RNLS: variants seen among roughly 807,000 people sequenced by gnomAD.
RNLS encodes the protein renalase.
In RNLS, 39 loss-of-function variants were observed where a neutral mutation model predicts 39.8. The ratio of observed to expected loss-of-function variants is 0.98; its 90% CI spans 0.76 to 1.28. The LOEUF (loss-of-function observed/expected upper bound fraction) is 1.28. Ranked by LOEUF, RNLS falls within the 50% of genes most tolerant of loss-of-function variation. The probability of loss-of-function intolerance (pLI) is 0.00; values close to 1 mark genes in which losing one functional copy is unlikely to be tolerated. For synonymous variants in RNLS, 147 were observed against 150.7 expected (o/e 0.98, Z 0.18); for missense variants, 410 against 413.3 (o/e 0.99, Z 0.07).
intron 5 of RNLS, among the ~76,000 whole-genome samples, chr10:88,343,110 A>G (rs1252210470): frequency 1.3e-5 from 2 of 152,106 alleles, no homozygotes; most frequent in Non-Finnish European, 2.9e-5. Flanking sequence ...TCTCATGTGC[A>G]AAGGGAAGGC....
intron 5 of RNLS, among the ~76,000 whole-genome samples, chr10:88,349,632 T>C (rs1460209802): frequency 1.3e-5 from 2 of 152,104 alleles, no homozygotes; most frequent in Admixed American, 1.3e-4. Flanking sequence ...GTGAGAAATA[T>C]ATGAAATCAC....
intron 4 of RNLS, among the ~76,000 whole-genome samples, chr10:88,472,317 A>C (rs1843587417): frequency 6.6e-6 from 1 of 152,220 alleles, no homozygotes; most frequent in Non-Finnish European, 1.5e-5. Flanking sequence ...GAGTCAAATC[A>C]TGAAGAGTCT....
chr10:88,581,234 T>A (rs1315489365), intron 3 of RNLS, among the ~76,000 whole-genome samples: 1 of 150,528 alleles, frequency 6.6e-6, no homozygotes, highest in Non-Finnish European at 1.5e-5. Context: ...GCAAAATTAT[T>A]CCCTTTTATA....
chr10:88,214,769 G>C, the RNLS span, among the ~76,000 whole-genome samples: 1 of 152,076 alleles, frequency 6.6e-6, no homozygotes, highest in Non-Finnish European at 1.5e-5. Context: ...TATTTGTAGA[G>C]GCTGAACAAA....
intron 4 of RNLS, among the ~76,000 whole-genome samples, chr10:88,471,541 G>A (rs770861549): frequency 3.9e-5 from 6 of 152,244 alleles, no homozygotes; most frequent in East Asian, 1.9e-4. Flanking sequence ...ACTGTAAGGC[G>A]AAAAGAGAGG....
At chr10:88,195,555 T>C in the RNLS span, among the ~76,000 whole-genome samples, 3 of 152,174 alleles carry the variant, frequency 2.0e-5, no homozygotes, top group Non-Finnish European at 4.4e-5. Flanking sequence ...AGAAGACATC[T>C]GGATGCTGAC....
intron 4 of RNLS, among the ~76,000 whole-genome samples, chr10:88,534,907 G>T (rs759068552): frequency 4.6e-5 from 7 of 152,104 alleles, no homozygotes; most frequent in Non-Finnish European, 1.0e-4. Context: ...TCATTTAGTA[G>T]CAGTGTGACT....
At chr10:88,220,063 G>T in the RNLS span, among the ~76,000 whole-genome samples, 1 of 152,136 alleles carries the variant, frequency 6.6e-6, no homozygotes, top group Admixed American at 6.6e-5. Context: ...AAGGGCCAAG[G>T]GTGGACAGGG....
chr10:88,248,816 C>T, the RNLS span, among the ~76,000 whole-genome samples: 1 of 152,200 alleles, frequency 6.6e-6, no homozygotes, highest in African/African-American at 2.4e-5. Context: ...CCTCTTGCAA[C>T]TGCAGTTTTC....
chr10:88,448,715 G>A (rs1281643110), intron 4 of RNLS, among the ~76,000 whole-genome samples: 1 of 152,178 alleles, frequency 6.6e-6, no homozygotes, highest in Admixed American at 6.5e-5. Context: ...GTTTATTGAG[G>A]CACTGTTCAC....
At chr10:88,552,907 C>T (rs1258025417) in intron 4 of RNLS, among the ~76,000 whole-genome samples, 1 of 152,140 alleles carries the variant, frequency 6.6e-6, no homozygotes, top group East Asian at 1.9e-4. Context: ...TGATAAAAAT[C>T]AATTCACAAT....
At chr10:88,347,995 T>G (rs1848424731) in intron 5 of RNLS, among the ~76,000 whole-genome samples, 1 of 152,144 alleles carries the variant, frequency 6.6e-6, no homozygotes, top group South Asian at 2.1e-4. Context: ...CAGCAGTTTT[T>G]TCACTACAGA....
intron 4 of RNLS, among the ~76,000 whole-genome samples, chr10:88,380,690 G>GTGTC (rs2099440200): frequency 6.6e-6 from 1 of 151,978 alleles, no homozygotes; most frequent in Admixed American, 6.6e-5. Context: ...GGCCGGTTTT[G>GTGTC]TGTCTTTTTT....
At chr10:88,381,924 T>C (rs1286641596) in intron 4 of RNLS, among the ~76,000 whole-genome samples, 1 of 151,932 alleles carries the variant, frequency 6.6e-6, no homozygotes, top group Non-Finnish European at 1.5e-5. Context: ...TACATACAAA[T>C]TATATGAAGT....
intron 4 of RNLS, among the ~76,000 whole-genome samples, chr10:88,409,861 A>G (rs576884000): frequency 6.6e-5 from 10 of 152,206 alleles, no homozygotes; most frequent in Admixed American, 2.0e-4. Flanking sequence ...AATAAAGAGG[A>G]AGCTTTATTT....
At chr10:88,454,893 T>C (rs1475910379) in intron 4 of RNLS, among the ~76,000 whole-genome samples, 2 of 152,190 alleles carry the variant, frequency 1.3e-5, no homozygotes, top group Non-Finnish European at 2.9e-5. Flanking sequence ...ATTTCCTGAA[T>C]TGGAACTATT....
At chr10:88,438,798 G>A (rs907206942) in intron 4 of RNLS, among the ~76,000 whole-genome samples, 6 of 152,106 alleles carry the variant, frequency 3.9e-5, no homozygotes, top group African/African-American at 1.4e-4. Context: ...GAGGTTCCTT[G>A]GTCTCTGTGC....
chr10:88,239,241 A>T, the RNLS span, among the ~76,000 whole-genome samples: 1 of 152,214 alleles, frequency 6.6e-6, no homozygotes, highest in South Asian at 2.1e-4. Context: ...GATGCCTTTG[A>T]TGGGTTAACC....
chr10:88,179,169 AGG>A, the RNLS span, among the ~76,000 whole-genome samples: 1 of 152,222 alleles, frequency 6.6e-6, no homozygotes, highest in Admixed American at 6.5e-5. Flanking sequence ...GAAATCAGGT[AGG>A]GGGAATGGGA....
Sources: gnomAD v4.1 joint callset for allele counts (sites outside exome capture counted in the v4.1 genomes callset) on GRCh38, gnomAD v4.1.1 for gene constraint, MANE v1.5 for transcripts, NCBI Gene and HGNC (gene_info 2026-07-23, HGNC 2026-07-21) for gene names.